The following KCND3 variants were observed in gnomAD, a reference collection of about 807,000 sequenced individuals.
KCND3 encodes the protein A-type voltage-gated potassium channel KCND3.
KCND3 carries 9 observed loss-of-function variants against 51.1 expected under a neutral mutation model. The ratio of observed to expected loss-of-function variants is 0.18; its 90% CI spans 0.11 to 0.31. KCND3 has a LOEUF of 0.31. Among genes scored for constraint, KCND3 ranks in the 10% least tolerant of loss-of-function variants. The pLI is 1.00. For missense variants in KCND3, 526 were observed against 903.8 expected (o/e 0.58, Z 5.36); for synonymous variants, 349 against 368.0 (o/e 0.95, Z 0.59).
chr1:111,905,878 C>T (rs1317388328), intron 2 of KCND3, among the ~76,000 whole-genome samples: 2 of 152,050 alleles, frequency 1.3e-5, no homozygotes, highest in Non-Finnish European at 2.9e-5. Context: ...TTCTAATGTG[C>T]AGCTGGAACA....
chr1:111,942,704 G>A (rs1198022256), intron 2 of KCND3, among the ~76,000 whole-genome samples: 1 of 152,178 alleles, frequency 6.6e-6, no homozygotes, highest in Non-Finnish European at 1.5e-5. Context: ...GTTTTCAGGG[G>A]AACCCAAACC....
At chr1:111,797,115 A>G (rs1253190347) in intron 2 of KCND3, among the ~76,000 whole-genome samples, 1 of 152,226 alleles carries the variant, frequency 6.6e-6, no homozygotes, top group African/African-American at 2.4e-5. Context: ...CCCCAATCTC[A>G]GATTTCTGAT....
At chr1:111,931,920 T>A (rs1298446021) in intron 2 of KCND3, among the ~76,000 whole-genome samples, 2 of 152,220 alleles carry the variant, frequency 1.3e-5, no homozygotes. Context: ...ACTGTATTAG[T>A]TTCCCATTGC....
At chr1:111,974,372 TAAAA>T (rs10711503) in intron 2 of KCND3, among the ~76,000 whole-genome samples, 1 of 146,610 alleles carries the variant, frequency 6.8e-6, no homozygotes, top group Non-Finnish European at 1.5e-5. Flanking sequence ...TTTCCCAGAT[TAAAA>T]AAAAAAAAAA....
intron 2 of KCND3, among the ~76,000 whole-genome samples, chr1:111,956,417 C>T (rs528252232): frequency 7.2e-5 from 11 of 152,300 alleles, no homozygotes; most frequent in South Asian, 4.1e-4. Flanking sequence ...GTTGCATCTT[C>T]GGCAAGCATG....
In KCND3 at chr1:111,957,116, C is replaced by T. The variant is rs542636096; in HGVS notation, c.1106+24505G>A. ...TTAATTATGATCCCTCTGACCAACA[C>T]ATTTTTATACTGGTGGAAAAGCACC... On this transcript the variant is annotated intron_variant, in intron 2 of 7. Transcript: ENST00000302127. Among the ~76,000 whole-genome samples the T allele has an allele frequency of 6.6e-5, 10 of 152,318 alleles. No individual in the cohort carries two copies. In the South Asian group the frequency reaches 2.1e-3, roughly 32 times the overall value.
intron 2 of KCND3, among the ~76,000 whole-genome samples, chr1:111,931,674 G>A (rs1159536614): frequency 6.6e-6 from 1 of 152,206 alleles, no homozygotes; most frequent in Non-Finnish European, 1.5e-5. Flanking sequence ...TTGTAAGTCA[G>A]CACAAAACGA....
chr1:111,951,575 C>A (rs984180032), intron 2 of KCND3, among the ~76,000 whole-genome samples: 2 of 152,194 alleles, frequency 1.3e-5, no homozygotes, highest in East Asian at 3.8e-4. Flanking sequence ...ATTCATTCAA[C>A]AAATACTTAC....
intron 2 of KCND3, among the ~76,000 whole-genome samples, chr1:111,978,203 A>T (rs1674750113): frequency 6.6e-6 from 1 of 152,218 alleles, no homozygotes; most frequent in South Asian, 2.1e-4. Context: ...GGTGCTGGGA[A>T]AGCAGGCAGA....
chr1:111,799,050 A>G (rs1665178583), intron 2 of KCND3, among the ~76,000 whole-genome samples: 1 of 152,180 alleles, frequency 6.6e-6, no homozygotes. Flanking sequence ...AAAAGCAAAC[A>G]GAGAGAGCTT....
At chr1:111,824,954 G>A (rs985449676) in intron 2 of KCND3, among the ~76,000 whole-genome samples, 8 of 152,132 alleles carry the variant, frequency 5.3e-5, no homozygotes, top group African/African-American at 1.9e-4. Flanking sequence ...GGCAGCACTT[G>A]TTGTCTCAGT....
chr1:111,948,687 C>G (rs997128379), intron 2 of KCND3, among the ~76,000 whole-genome samples: 1 of 152,086 alleles, frequency 6.6e-6, no homozygotes, highest in Admixed American at 6.5e-5. Context: ...ACCTGCTGCT[C>G]CCCTCTGGGG....
intron 2 of KCND3, among the ~76,000 whole-genome samples, chr1:111,804,947 C>T (rs1273959700): frequency 1.3e-5 from 2 of 152,208 alleles, no homozygotes; most frequent in Non-Finnish European, 2.9e-5. Context: ...GGCGCCACCG[C>T]CTTCCCCACC....
chr1:111,842,515 G>A (rs1361165654), intron 2 of KCND3, among the ~76,000 whole-genome samples: 1 of 152,182 alleles, frequency 6.6e-6, no homozygotes, highest in Non-Finnish European at 1.5e-5. Flanking sequence ...GGGGCTGGGA[G>A]GGCTGGAAAA....
chr1:111,837,583 G>C (rs1419084510), intron 2 of KCND3, among the ~76,000 whole-genome samples: 1 of 152,168 alleles, frequency 6.6e-6, no homozygotes, highest in Non-Finnish European at 1.5e-5. Context: ...TCAGAGTTGA[G>C]ACTCCCACGT....
At chr1:111,827,004 C>T (rs1219157717) in intron 2 of KCND3, among the ~76,000 whole-genome samples, 1 of 152,168 alleles carries the variant, frequency 6.6e-6, no homozygotes, top group African/African-American at 2.4e-5. Context: ...ATCCCAAATC[C>T]AATACTCCAC....
intron 3 of KCND3, among the ~76,000 whole-genome samples, chr1:111,786,262 AG>A (rs1664599170): frequency 6.6e-6 from 1 of 152,258 alleles, no homozygotes; most frequent in Admixed American, 6.5e-5. Context: ...CTGGAAAAAG[AG>A]GCTTCTTTCT....
chr1:111,823,642 G>T (rs957966908), intron 2 of KCND3, among the ~76,000 whole-genome samples: 2 of 152,148 alleles, frequency 1.3e-5, no homozygotes, highest in Non-Finnish European at 2.9e-5. Flanking sequence ...ATTATGTGGG[G>T]TCCATTATGC....
intron 2 of KCND3, among the ~76,000 whole-genome samples, chr1:111,844,460 T>C (rs1272795534): frequency 6.6e-6 from 1 of 152,194 alleles, no homozygotes; most frequent in East Asian, 1.9e-4. Flanking sequence ...CTGAGAACCT[T>C]GGCATCTGCT....
Sources: gnomAD v4.1 joint callset for allele counts (sites outside exome capture counted in the v4.1 genomes callset) on GRCh38, gnomAD v4.1.1 for gene constraint, MANE v1.5 for transcripts, NCBI Gene and HGNC (gene_info 2026-07-23, HGNC 2026-07-21) for gene names.